Variants in MAP6 observed in about 807,000 individuals in gnomAD.
MAP6 encodes microtubule associated protein 6.
Under a neutral mutation model 42.4 loss-of-function variants are expected in MAP6, and 26 were observed. The ratio of observed to expected loss-of-function variants is 0.61; its 90% CI spans 0.45 to 0.85. MAP6 has a LOEUF of 0.85. Among genes scored for constraint, MAP6 ranks in the 40% least tolerant of loss-of-function variants. The pLI, the probability that MAP6 is intolerant of heterozygous loss-of-function variation, is 0.00. For synonymous variants in MAP6, 418 were observed against 443.8 expected (o/e 0.94, Z 0.73); for missense variants, 966 against 1,099.0 (o/e 0.88, Z 1.71).
intron 1 of MAP6, among the ~76,000 whole-genome samples, chr11:75,631,445 C>T (rs890521826): frequency 6.6e-6 from 1 of 152,092 alleles, no homozygotes; most frequent in South Asian, 2.1e-4. Context: ...TCTTAATTGC[C>T]CTTTGCCCTT....
intron 3 of MAP6, chr11:75,605,480 CA>C (rs1942744717): frequency 9.0e-7 from 1 of 1,108,586 alleles, no homozygotes; most frequent in Admixed American, 4.7e-5. Flanking sequence ...CACTTCCAAG[CA>C]CTGCCGGGAG....
intron 1 of MAP6, among the ~76,000 whole-genome samples, chr11:75,646,329 G>A (rs1030408006): frequency 2.0e-5 from 3 of 151,900 alleles, no homozygotes; most frequent in Admixed American, 2.0e-4. Context: ...GATCCTTCAG[G>A]CAAAGGCCAT....
At chr11:75,644,481 C>T (rs985556459) in intron 1 of MAP6, among the ~76,000 whole-genome samples, 9 of 152,264 alleles carry the variant, frequency 5.9e-5, no homozygotes, top group Non-Finnish European at 1.2e-4. Flanking sequence ...TAGTAATTCA[C>T]TTAATCCTAA....
At chr11:75,638,816 A>G (rs1943414538) in intron 1 of MAP6, among the ~76,000 whole-genome samples, 1 of 152,232 alleles carries the variant, frequency 6.6e-6, no homozygotes, top group Non-Finnish European at 1.5e-5. Flanking sequence ...ATCTACCCCA[A>G]AAGAAAAGAA....
chr11:75,616,406 G>A (rs778591233), intron 1 of MAP6, among the ~76,000 whole-genome samples: 1 of 152,148 alleles, frequency 6.6e-6, no homozygotes, highest in African/African-American at 2.4e-5. Context: ...ACAGATTTTC[G>A]TAGGTGATTT....
intron 1 of MAP6, among the ~76,000 whole-genome samples, chr11:75,611,387 G>A (rs967698183): frequency 6.6e-6 from 1 of 152,228 alleles, no homozygotes; most frequent in African/African-American, 2.4e-5. Context: ...TCCCTGCAGT[G>A]GCCCCTGTGG....
intron 1 of MAP6, among the ~76,000 whole-genome samples, chr11:75,645,035 T>C (rs1943532938): frequency 6.6e-6 from 1 of 152,120 alleles, no homozygotes; most frequent in South Asian, 2.1e-4. Flanking sequence ...ATGGATTCCA[T>C]ACAGGAACAA....
At chr11:75,639,726 G>A (rs1943431094) in intron 1 of MAP6, among the ~76,000 whole-genome samples, 1 of 152,220 alleles carries the variant, frequency 6.6e-6, no homozygotes, top group Admixed American at 6.5e-5. Flanking sequence ...TACAATTAAA[G>A]CATCTGCTTA....
chr11:75,595,192 C>T (rs1471949882), intron 3 of MAP6, among the ~76,000 whole-genome samples: 3 of 152,234 alleles, frequency 2.0e-5, no homozygotes, highest in African/African-American at 7.2e-5. Context: ...GCCTCCTCCT[C>T]AGTGGCCACT....
At chr11:75,663,475 T>C (rs1272577504) in intron 1 of MAP6, among the ~76,000 whole-genome samples, 1 of 152,142 alleles carries the variant, frequency 6.6e-6, no homozygotes, top group African/African-American at 2.4e-5. Flanking sequence ...CCCTAAAAAG[T>C]CCATTAGATT....
chr11:75,646,879 A>G (rs1220306954), intron 1 of MAP6, among the ~76,000 whole-genome samples: 5 of 152,320 alleles, frequency 3.3e-5, no homozygotes, highest in African/African-American at 1.2e-4. Context: ...TAAAAATTGT[A>G]TTACTAATTA....
At chr11:75,623,523 CTGA>C (rs1324151948) in intron 1 of MAP6, among the ~76,000 whole-genome samples, 1 of 152,168 alleles carries the variant, frequency 6.6e-6, no homozygotes, top group Admixed American at 6.5e-5. Context: ...CCTGCCTCCT[CTGA>C]TGCTCACCTT....
intron 2 of MAP6, among the ~76,000 whole-genome samples, chr11:75,606,608 C>T (rs1214994125): frequency 6.6e-6 from 1 of 152,136 alleles, no homozygotes; most frequent in Non-Finnish European, 1.5e-5. Flanking sequence ...CGCTGCAGCA[C>T]CCGCTGGCTT....
At chr11:75,609,286 C>CT (rs1410967400) in intron 1 of MAP6, among the ~76,000 whole-genome samples, 1 of 152,192 alleles carries the variant, frequency 6.6e-6, no homozygotes. Flanking sequence ...TGCATGAACT[C>CT]TGTGGCTTCT....
intron 1 of MAP6, among the ~76,000 whole-genome samples, chr11:75,637,608 G>C (rs1439952717): frequency 6.6e-6 from 1 of 152,076 alleles, no homozygotes; most frequent in Non-Finnish European, 1.5e-5. Flanking sequence ...TCTCTACTCT[G>C]AACCCCACCG....
chr11:75,629,646 C>A (rs1943253423), intron 1 of MAP6, among the ~76,000 whole-genome samples: 1 of 152,182 alleles, frequency 6.6e-6, no homozygotes, highest in South Asian at 2.1e-4. Context: ...TATTCCACAG[C>A]TGCTATCACT....
chr11:75,606,049 G>A, intron 2 of MAP6, 45 bp from the exon 3 acceptor site: 1 of 1,600,944 alleles, frequency 6.2e-7, no homozygotes, highest in Non-Finnish European at 8.5e-7. Context: ...CAAAAAGGTG[G>A]GGCGTGGGAA....
chr11:75,610,955 A>C (rs1254419169), intron 1 of MAP6, among the ~76,000 whole-genome samples: 1 of 152,132 alleles, frequency 6.6e-6, no homozygotes, highest in African/African-American at 2.4e-5. Flanking sequence ...ACACCCCAGC[A>C]ACAAGGCTGT....
chr11:75,661,388 T>C (rs774162923), intron 1 of MAP6, among the ~76,000 whole-genome samples: 1 of 151,986 alleles, frequency 6.6e-6, no homozygotes, highest in South Asian at 2.1e-4. Flanking sequence ...AAGACTAATA[T>C]AAAAAAGGAA....
Sources: allele counts gnomAD v4.1 joint callset (sites outside exome capture counted in the v4.1 genomes callset), GRCh38; gene constraint gnomAD v4.1.1; transcripts MANE v1.5; gene names NCBI Gene and HGNC (gene_info 2026-07-23, HGNC 2026-07-21).